Variants in CGGBP1 observed in about 807,000 individuals in gnomAD.
CGGBP1 encodes the protein CGG triplet repeat-binding protein 1.
A neutral mutation model predicts 11.4 loss-of-function variants in CGGBP1; 4 were observed. The ratio of observed to expected loss-of-function variants is 0.35; its 90% CI spans 0.17 to 0.80. The LOEUF is 0.80. CGGBP1 is among the 30% of genes least tolerant of loss of function. The pLI is 0.52. For missense variants in CGGBP1, 135 were observed against 202.1 expected (o/e 0.67, Z 2.01); for synonymous variants, 76 against 74.1 (o/e 1.03, Z -0.13).
Position 88,141,632 on chromosome 3 carries a change from TTC to T in CGGBP1, c.-337-556_-337-555del, listed in dbSNP as rs1261898040. ...AATAAAACTTGCATTAACAGATGTGTTCTGTTTTACAGGTGCCTGATGAAAAC... is the reference window on the plus strand; with the variant it reads ...AATAAAACTTGCATTAACAGATGTGTTGTTTTACAGGTGCCTGATGAAAAC... On this transcript the variant is annotated intron_variant, in intron 1 of 3. Coordinates refer to the CGGBP1 transcript ENST00000462901. 16 of 1,494,788 alleles carry T rather than the reference TTC, an allele frequency of 1.1e-5. No homozygotes were observed. In the African/African-American group the frequency reaches 1.6e-4, roughly 15 times the overall value. The allele number at this position is 1,494,788 out of a possible 1,614,324, so 92.6% of individuals were successfully genotyped here.
At chr3:88,141,422 GC>G (rs1220720934) in intron 1 of CGGBP1, among the ~76,000 whole-genome samples, 1 of 151,942 alleles carries the variant, frequency 6.6e-6, no homozygotes, top group Non-Finnish European at 1.5e-5. Flanking sequence ...TTTTTCATAT[GC>G]ATTCCAGAAT....
chr3:88,138,707 TGAA>T (rs945633180), intron 2 of CGGBP1: 37 of 1,231,660 alleles, frequency 3.0e-5, no homozygotes, highest in South Asian at 1.2e-4. Flanking sequence ...TTTTACAGGT[TGAA>T]GAAGAAGGCT....
intron 1 of CGGBP1, chr3:88,142,580 G>A (rs1429138888): frequency 1.3e-5 from 2 of 151,996 alleles, no homozygotes; most frequent in African/African-American, 4.9e-5. Context: ...TCATAGTAAG[G>A]TCCTTTAGAC....
intron 2 of CGGBP1, among the ~76,000 whole-genome samples, chr3:88,125,685 T>C (rs1197151368): frequency 6.6e-6 from 1 of 152,188 alleles, no homozygotes; most frequent in African/African-American, 2.4e-5. Flanking sequence ...GAGACTTTTG[T>C]CTACCTGCCA....
intron 2 of CGGBP1, among the ~76,000 whole-genome samples, chr3:88,071,815 T>A (rs1167096725): frequency 6.6e-6 from 1 of 151,956 alleles, no homozygotes; most frequent in Non-Finnish European, 1.5e-5. Context: ...AAAAAAAAAA[T>A]CAAAAACACT....
At chr3:88,134,604 T>A (rs553490335) in intron 2 of CGGBP1, among the ~76,000 whole-genome samples, 14 of 152,162 alleles carry the variant, frequency 9.2e-5, no homozygotes, top group Non-Finnish European at 2.1e-4. Flanking sequence ...ATCAATACTA[T>A]ACTTACAGTT....
chr3:88,134,193 GTTGC>G (rs1706632838), intron 2 of CGGBP1, among the ~76,000 whole-genome samples: 2 of 151,862 alleles, frequency 1.3e-5, no homozygotes, highest in Non-Finnish European at 2.9e-5. Context: ...CTACTCATAT[GTTGC>G]TTGCTGTCAT....
chr3:88,114,735 T>G (rs968232574), intron 2 of CGGBP1, among the ~76,000 whole-genome samples: 25 of 152,142 alleles, frequency 1.6e-4, no homozygotes, highest in Non-Finnish European at 2.9e-5. Context: ...CATCCTTCAT[T>G]TGCTGACCTG....
intron 3 of CGGBP1, 90 bp downstream of exon 3, chr3:88,057,101 A>T (rs1403719975): frequency 1.3e-5 from 2 of 152,196 alleles, no homozygotes; most frequent in South Asian, 4.1e-4. Flanking sequence ...GTCTGCATAA[A>T]TATGTTAGAG....
intron 2 of CGGBP1, chr3:88,129,054 A>C: frequency 5.1e-6 from 7 of 1,378,740 alleles, no homozygotes; most frequent in African/African-American, 1.5e-5. Context: ...TTTTAACCCT[A>C]CCAAAAAAAA....
intron 1 of CGGBP1, among the ~76,000 whole-genome samples, chr3:88,145,387 AGT>A (rs1193154465): frequency 1.3e-5 from 2 of 152,100 alleles, no homozygotes; most frequent in Non-Finnish European, 2.9e-5. Flanking sequence ...ACACTATGAG[AGT>A]GTTATTGAAA....
chr3:88,095,436 G>T, intron 2 of CGGBP1: 1 of 343,438 alleles, frequency 2.9e-6, no homozygotes, highest in Admixed American at 4.3e-5. Flanking sequence ...TTCCTCTTTG[G>T]TTTCTGTATC....
chr3:88,128,945 A>G, intron 2 of CGGBP1: 1 of 1,535,516 alleles, frequency 6.5e-7, no homozygotes, highest in Non-Finnish European at 8.7e-7. Context: ...GTAAAGACTT[A>G]TACTTCCATC....
chr3:88,107,420 T>C (rs13316552), intron 2 of CGGBP1, among the ~76,000 whole-genome samples: 6,168 of 152,278 alleles, frequency 0.041, 361 homozygotes, highest in African/African-American at 0.13. Context: ...CTTTCTCTGT[T>C]TATCCACTGC....
At chr3:88,103,648 G>T (rs1704561565) in intron 2 of CGGBP1, among the ~76,000 whole-genome samples, 1 of 151,656 alleles carries the variant, frequency 6.6e-6, no homozygotes, top group African/African-American at 2.4e-5. Flanking sequence ...GAGAAAAAAA[G>T]ACATGATCCA....
Position 88,055,046 on chromosome 3 carries a change from A to G in CGGBP1, c.*427T>C, listed in dbSNP as rs1380644636. 1 of 154,372 alleles carries G rather than the reference A, an allele frequency of 6.5e-6. No homozygotes were observed. The highest frequency in any genetic ancestry group is 6.5e-5 in the Admixed American group (1 of 15,376). 9.6% of individuals were successfully genotyped at this position (154,372 alleles called of 1,614,324 possible). On this transcript the variant is annotated 3_prime_UTR_variant, in exon 4 of 4. Coordinates refer to ENST00000482016, the MANE Select transcript of CGGBP1 (RefSeq NM_001008390.2). The surrounding 1 kb of genome is among the most constrained non-coding windows in gnomAD (Gnocchi z 4.2). ...TTTTGAAGAGGATCCTCTAAAGAAAATAATTCCTTTAAGTTACTGTTAAGT... is the reference window on the plus strand; with the variant it reads ...TTTTGAAGAGGATCCTCTAAAGAAAGTAATTCCTTTAAGTTACTGTTAAGT...
At chr3:88,146,373 C>T (rs1274575949) in intron 1 of CGGBP1, among the ~76,000 whole-genome samples, 3 of 152,114 alleles carry the variant, frequency 2.0e-5, no homozygotes, top group Non-Finnish European at 4.4e-5. Context: ...TTAATAGCTC[C>T]TTAAATGGTT....
At chr3:88,100,168 A>G (rs1413021314) in intron 2 of CGGBP1, among the ~76,000 whole-genome samples, 2 of 152,244 alleles carry the variant, frequency 1.3e-5, no homozygotes, top group Non-Finnish European at 2.9e-5. Flanking sequence ...GGTGCCGGAT[A>G]TGAACAGACA....
intron 2 of CGGBP1, among the ~76,000 whole-genome samples, chr3:88,108,630 G>A (rs1374577944): frequency 1.3e-5 from 2 of 152,094 alleles, no homozygotes; most frequent in Non-Finnish European, 2.9e-5. Context: ...CACTGTATAC[G>A]CTACCTGCCC....
Sources: allele counts gnomAD v4.1 joint callset (sites outside exome capture counted in the v4.1 genomes callset), GRCh38; gene constraint gnomAD v4.1.1; non-coding constraint Gnocchi (gnomAD v3.1); transcripts MANE v1.5; gene names NCBI Gene and HGNC (gene_info 2026-07-23, HGNC 2026-07-21).